Variants in ITGA2 observed in about 807,000 individuals in gnomAD.
ITGA2 encodes integrin alpha-2.
A neutral mutation model predicts 146.3 loss-of-function variants in ITGA2; 101 were observed. The observed-to-expected ratio is 0.69, with a 90% CI of 0.59 to 0.81. The LOEUF (loss-of-function observed/expected upper bound fraction) is 0.81. Ranked by LOEUF, ITGA2 falls within the 40% of genes least tolerant of loss-of-function variation. The pLI is 0.00. For missense variants in ITGA2, 1,281 were observed against 1,402.7 expected, an observed-to-expected ratio of 0.91 and a Z score of 1.39; for synonymous variants, 477 against 487.1, an observed-to-expected ratio of 0.98 and a Z score of 0.27.
chr5:53,015,175 T>C (rs1034237993), intron 1 of ITGA2, among the ~76,000 whole-genome samples: 1 of 152,140 alleles, frequency 6.6e-6, no homozygotes, highest in Non-Finnish European at 1.5e-5. Context: ...CTAGCTCCCA[T>C]TGGTGTGATA....
intron 28 of ITGA2, chr5:53,089,049 G>A (rs938234118): frequency 6.6e-6 from 1 of 152,018 alleles, no homozygotes. Flanking sequence ...TTCATAAATT[G>A]ATAAAGCCTT....
chr5:53,015,154 T>C (rs1364644371), intron 1 of ITGA2, among the ~76,000 whole-genome samples: 1 of 152,112 alleles, frequency 6.6e-6, no homozygotes, highest in Non-Finnish European at 1.5e-5. Context: ...AGTTGGTTTG[T>C]TCTTGTTGTT....
At position 53,073,119 on chromosome 5, in the gene ITGA2, G is replaced by C; in HGVS notation, c.2431G>C (p.Glu811Gln). Residue 811 changes from glutamate (E) to glutamine (Q), a missense_variant and splice_region_variant, in exon 20 of 30, where the codon GAA (glutamate) becomes CAA (glutamine). Physicochemically the swap from Glu to Gln is conservative, Grantham distance 29. Transcript: ENST00000296585. The part of the protein sequence containing the change: ...LDVRQIPAAQ[E>Q]QPFIVSNQNK... Reference sequence around the variant, plus strand: ...CCCCCTCCTTTTTACTTTTAACAGAGAACAACCCTTTATTGTCAGCAACCA... The same window carrying C: ...CCCCCTCCTTTTTACTTTTAACAGACAACAACCCTTTATTGTCAGCAACCA... 1.9e-6 allele frequency: 3 copies of C among 1,611,592 alleles called. No individual in the cohort carries two copies. The highest frequency in any genetic ancestry group is 4.5e-5 in the East Asian group (2 of 44,732).
Position 53,041,594 on chromosome 5 carries a change from A to G in ITGA2, c.186-518A>G, listed in dbSNP as rs972066134. On this transcript the variant is annotated intron_variant, in intron 2 of 29. Transcript: ENST00000296585. ...CTGTGCTGAACAATACGTAGCCACG[A>G]GCCACATGTGACTACTGAGCACTTG... 2.0e-5 allele frequency among the ~76,000 whole-genome samples: 3 copies of G among 152,156 alleles called. No homozygotes were observed. The East Asian group carries it at 5.8e-4, about 29-fold the overall frequency.
intron 26 of ITGA2, among the ~76,000 whole-genome samples, chr5:53,081,946 T>C (rs1745943383): frequency 6.6e-6 from 1 of 152,218 alleles, no homozygotes; most frequent in Non-Finnish European, 1.5e-5. Flanking sequence ...ATGCCACTTC[T>C]TACAAAATAT....
intron 1 of ITGA2, among the ~76,000 whole-genome samples, chr5:53,008,424 G>A (rs1741964321): frequency 6.6e-6 from 1 of 150,972 alleles, no homozygotes. Flanking sequence ...TGAGGGTTAG[G>A]GTTTGAATAC....
Position 53,059,892 on chromosome 5 carries a change from G to A in ITGA2, c.1192G>A (p.Ala398Thr), listed in dbSNP as rs750192184. ...SSQNDILMLG[A>T]VGAFGWSGTI... ...ATTTTAGGATATTCTGATGCTGGGT[G>A]CAGTGGGAGCTTTTGGCTGGAGTGG... The change falls in exon 11 of 30, where the codon GCA becomes ACA. Residue 398 changes from alanine (A) to threonine (T), a missense_variant. Ala to Thr is a moderately conservative substitution (Grantham distance 58, BLOSUM62 0). Around this residue, in one of 3 missense-constraint regions of ITGA2, gnomAD observed 795 missense variants for 841.7 expected, o/e 0.94. Transcript: ENST00000296585. The A allele has an allele frequency of 6.2e-7, 1 of 1,612,188 alleles. No individual in the cohort carries two copies. Among genetic ancestry groups the A allele is most frequent in the South Asian group, 1.1e-5 (1 of 91,050 alleles).
rs1477640359 is a variant in ITGA2 at position 53,071,904 on chromosome 5, C to T, written c.2236-34C>T. The T allele has an allele frequency of 3.4e-6, 5 of 1,474,612 alleles. No homozygotes were observed. The African/African-American group carries it at 6.9e-5, about 20-fold the overall frequency. 91.3% of individuals were successfully genotyped at this position (1,474,612 alleles called of 1,614,324 possible). On this transcript the variant is annotated intron_variant, in intron 17 of 29. Transcript: ENST00000296585. ...CTATGCTCTAATAAACTGACTCTGTCTCCCCCTGTATGTTTGTGTGTGTGT... is the reference window on the plus strand; with the variant it reads ...CTATGCTCTAATAAACTGACTCTGTTTCCCCCTGTATGTTTGTGTGTGTGT...
At chr5:53,020,453 A>T (rs927421837) in intron 1 of ITGA2, among the ~76,000 whole-genome samples, 1 of 152,136 alleles carries the variant, frequency 6.6e-6, no homozygotes, top group Middle Eastern at 3.2e-3. Context: ...CATTCTTAGG[A>T]CATGCCTAGC....
intron 2 of ITGA2, among the ~76,000 whole-genome samples, chr5:53,032,312 A>T (rs1743264015): frequency 6.6e-6 from 1 of 152,186 alleles, no homozygotes; most frequent in South Asian, 2.1e-4. Flanking sequence ...TAAAAAAAAA[A>T]GTTTAATTCT....
intron 23 of ITGA2, among the ~76,000 whole-genome samples, chr5:53,078,042 C>T (rs1745742272): frequency 6.6e-6 from 1 of 152,048 alleles, no homozygotes; most frequent in Non-Finnish European, 1.5e-5. Context: ...TCCCCAGTTT[C>T]ATTCTAGTCT....
At chr5:53,087,723 G>T (rs1740173492) in intron 28 of ITGA2, among the ~76,000 whole-genome samples, 1 of 151,950 alleles carries the variant, frequency 6.6e-6, no homozygotes, top group African/African-American at 2.4e-5. Flanking sequence ...CCTCTGCACT[G>T]ACTCTGGTTA....
At position 53,093,007 on chromosome 5, in the gene ITGA2, A is replaced by C. The variant is rs1740504692; in HGVS notation, c.*2408A>C. 6.6e-6 allele frequency: 1 copy of C among 152,362 alleles called. No homozygotes were observed. The allele number at this position is 152,362 out of a possible 1,614,324, so 9.4% of individuals were successfully genotyped here. A position where few individuals can be genotyped will look rare whatever the true frequency, so the allele number is the denominator to read the frequency against. On this transcript the variant is annotated 3_prime_UTR_variant, in exon 30 of 30. Coordinates refer to ENST00000296585, the MANE Select transcript of ITGA2 (RefSeq NM_002203.4). ...GTAATCCCAGTTACTCGGGAAGCTG[A>C]GGCAGGAGAATCACTTGAACCCGGG...
At chr5:53,074,119 T>A (rs899660878) in intron 20 of ITGA2, among the ~76,000 whole-genome samples, 1 of 151,970 alleles carries the variant, frequency 6.6e-6, no homozygotes, top group African/African-American at 2.4e-5. Context: ...AAATAAAAAC[T>A]ATCATTTTTT....
chr5:53,048,632 T>A lies in ITGA2; in HGVS notation c.503-11T>A. On this transcript the variant is annotated splice_polypyrimidine_tract_variant and intron_variant, in intron 5 of 29. Transcript: ENST00000296585. ...TGTGGAAATCTGCTTCTTTCCTCTT[T>A]TCCTGTGTAGCCTGCCCTTCCCTCA... The A allele has an allele frequency of 6.2e-7, 1 of 1,614,140 alleles. No homozygotes were observed. Among genetic ancestry groups the A allele is most frequent in the South Asian group, 1.1e-5 (1 of 91,082 alleles).
At chr5:52,993,086 C>T (rs1741055481) in intron 1 of ITGA2, among the ~76,000 whole-genome samples, 1 of 152,172 alleles carries the variant, frequency 6.6e-6, no homozygotes, top group Non-Finnish European at 1.5e-5. Flanking sequence ...TGACCATTAT[C>T]CAATGCTAGA....
chr5:53,082,624 C>T (rs538804663), intron 26 of ITGA2, among the ~76,000 whole-genome samples: 7 of 152,194 alleles, frequency 4.6e-5, no homozygotes, highest in South Asian at 4.2e-4. Context: ...ATCAAAATCC[C>T]GCACAAGAGT....
intron 24 of ITGA2, among the ~76,000 whole-genome samples, chr5:53,079,459 A>C (rs1398795745): frequency 6.6e-6 from 1 of 152,164 alleles, no homozygotes; most frequent in Non-Finnish European, 1.5e-5. Context: ...GCGATTATTA[A>C]TCTAAAGATT....
rs1177034748 is a variant in ITGA2 at position 53,012,648 on chromosome 5, G to A, written c.65-14100G>A. On this transcript the variant is annotated intron_variant, in intron 1 of 29. Transcript: ENST00000296585. Reference sequence around the variant, plus strand: ...GGGATTGCTGGGTCAAATGATAATTGTGTTTTAAGTTCTTTGAGAAGTCAC... The same window carrying A: ...GGGATTGCTGGGTCAAATGATAATTATGTTTTAAGTTCTTTGAGAAGTCAC... Among the ~76,000 whole-genome samples, 5 of 152,040 alleles carry A rather than the reference G, an allele frequency of 3.3e-5. No homozygotes were observed. In the East Asian group the frequency reaches 7.7e-4, roughly 23 times the overall value.
Sources: allele counts gnomAD v4.1 joint callset (sites outside exome capture counted in the v4.1 genomes callset), GRCh38; gene constraint gnomAD v4.1.1; regional missense constraint gnomAD v4.1.1; transcripts MANE v1.5; gene names NCBI Gene and HGNC (gene_info 2026-07-23, HGNC 2026-07-21).